MYRIP: variants seen among roughly 807,000 people sequenced by gnomAD.
MYRIP encodes the protein rab effector MyRIP.
A neutral mutation model predicts 98.0 loss-of-function variants in MYRIP; 49 were observed. That is an observed-to-expected ratio of 0.50 (90% CI 0.40 to 0.63). The LOEUF (loss-of-function observed/expected upper bound fraction) is 0.63, where lower values mean the gene tolerates loss of function less well. Ranked by LOEUF, MYRIP falls within the 30% of genes least tolerant of loss-of-function variation. The pLI is 0.00. For synonymous variants in MYRIP, 404 were observed against 409.5 expected, an observed-to-expected ratio of 0.99 and a Z score of 0.16; for missense variants, 1,004 against 1,058.2, an observed-to-expected ratio of 0.95 and a Z score of 0.71.
intron 2 of MYRIP, among the ~76,000 whole-genome samples, chr3:40,028,420 A>C (rs934018774): frequency 6.6e-6 from 1 of 152,198 alleles, no homozygotes; most frequent in Non-Finnish European, 1.5e-5. Flanking sequence ...CCCAGACGCT[A>C]TTGCAGAAAC....
chr3:40,218,014 T>G (rs1438534738), intron 11 of MYRIP, among the ~76,000 whole-genome samples: 7 of 152,030 alleles, frequency 4.6e-5, no homozygotes, highest in Non-Finnish European at 8.8e-5. Flanking sequence ...AAGCAAAAAT[T>G]TCATATATAC....
At chr3:39,818,209 A>G in intron 1 of MYRIP, among the ~76,000 whole-genome samples, 1 of 152,152 alleles carries the variant, frequency 6.6e-6, no homozygotes, top group East Asian at 1.9e-4. Flanking sequence ...GTTTACTTTA[A>G]GCTTTTGATA....
intron 4 of MYRIP, among the ~76,000 whole-genome samples, chr3:40,153,736 T>C (rs955902381): frequency 4.6e-5 from 7 of 152,242 alleles, no homozygotes; most frequent in African/African-American, 1.7e-4. Flanking sequence ...GAACATGATA[T>C]GCAAAATCTG....
At chr3:40,202,325 T>C (rs1199079127) in intron 10 of MYRIP, among the ~76,000 whole-genome samples, 1 of 152,132 alleles carries the variant, frequency 6.6e-6, no homozygotes, top group Non-Finnish European at 1.5e-5. Context: ...AAAGATAGCC[T>C]CTATGAAAAA....
chr3:39,983,878 T>C (rs1226699805), intron 2 of MYRIP, among the ~76,000 whole-genome samples: 1 of 152,208 alleles, frequency 6.6e-6, no homozygotes, highest in Non-Finnish European at 1.5e-5. Context: ...CAGGAAATAA[T>C]ACCCCCTGTT....
chr3:39,953,904 G>A (rs767886855), intron 2 of MYRIP, among the ~76,000 whole-genome samples: 35 of 152,242 alleles, frequency 2.3e-4, no homozygotes, highest in Non-Finnish European at 4.6e-4. Context: ...ATGGAGTCTC[G>A]CTTACTGCTA....
At position 40,220,498 on chromosome 3, in the gene MYRIP, A is replaced by T. The variant is rs143602529; in HGVS notation, c.1905+10405A>T. The stretch of plus-strand genomic sequence containing the variant: ...AACATGTAAGTCTTTAATCCATATG[A>T]CTGCATAAATATTAAGAACTTATGT... On this transcript the variant is annotated intron_variant, in intron 11 of 16. Transcript: ENST00000302541. 5.4e-3 allele frequency among the ~76,000 whole-genome samples: 828 copies of T among 152,228 alleles called. 1 individual carries two copies. Among genetic ancestry groups the T allele is most frequent in the African/African-American group, 0.018 (752 of 41,538 alleles).
chr3:40,044,179 G>C lies in MYRIP; in HGVS notation c.240G>C (p.Gln80His), dbSNP rs779965268. 2 of 1,614,090 alleles carry C rather than the reference G, an allele frequency of 1.2e-6. No individual in the cohort carries two copies. Among genetic ancestry groups the C allele is most frequent in the African/African-American group, 2.7e-5 (2 of 74,950 alleles). Reference sequence around the variant, plus strand: ...CCTTCCTCGTCAACACCAAGCGCCAGTGTGGAGATTGCAAATTCAATGTCT... The same window carrying C: ...CCTTCCTCGTCAACACCAAGCGCCACTGTGGAGATTGCAAATTCAATGTCT... ...PFTFLVNTKR[Q>H]CGDCKFNVCK... is the part of the protein sequence containing the mutation. Residue 80 changes from glutamine to histidine, a missense_variant, in exon 3 of 17, where the codon CAG (glutamine) becomes CAC (histidine). By Grantham distance (24) the Gln-to-His change is conservative. Around this residue, in one of 3 missense-constraint regions of MYRIP, gnomAD observed 880 missense variants for 907.7 expected, o/e 0.97. Transcript: ENST00000302541.
chr3:39,905,745 C>T (rs891247349), intron 2 of MYRIP, among the ~76,000 whole-genome samples: 8 of 152,124 alleles, frequency 5.3e-5, no homozygotes, highest in African/African-American at 9.7e-5. Context: ...TATATAGTTA[C>T]GATTGAAAAT....
intron 3 of MYRIP, among the ~76,000 whole-genome samples, chr3:40,085,181 G>T (rs1459638109): frequency 2.0e-5 from 3 of 146,892 alleles, no homozygotes; most frequent in African/African-American, 7.5e-5. Flanking sequence ...GATAATATGT[G>T]TCTATGTGTT....
chr3:40,062,271 T>A (rs1948034632), intron 3 of MYRIP, among the ~76,000 whole-genome samples: 1 of 152,168 alleles, frequency 6.6e-6, no homozygotes, highest in African/African-American at 2.4e-5. Context: ...CTGATTTTCA[T>A]ATATAGCGCA....
chr3:40,086,953 G>A (rs1346042005), intron 3 of MYRIP, among the ~76,000 whole-genome samples: 1 of 152,078 alleles, frequency 6.6e-6, no homozygotes, highest in Non-Finnish European at 1.5e-5. Flanking sequence ...AGGGAAGCCA[G>A]CGCCATGCCC....
intron 2 of MYRIP, among the ~76,000 whole-genome samples, chr3:39,965,777 C>A (rs1456405451): frequency 6.6e-6 from 1 of 152,116 alleles, no homozygotes; most frequent in East Asian, 1.9e-4. Flanking sequence ...AATACCTTCA[C>A]AGCTACACCT....
At chr3:39,945,782 T>G (rs997587734) in intron 2 of MYRIP, among the ~76,000 whole-genome samples, 7 of 152,154 alleles carry the variant, frequency 4.6e-5, no homozygotes, top group African/African-American at 1.7e-4. Flanking sequence ...TTAAAAATGT[T>G]AAATACTTGT....
At chr3:39,858,957 C>A (rs542269460) in intron 1 of MYRIP, among the ~76,000 whole-genome samples, 1 of 151,786 alleles carries the variant, frequency 6.6e-6, no homozygotes, top group Non-Finnish European at 1.5e-5. Flanking sequence ...AAATAAACAG[C>A]CTTACTTTAC....
intron 9 of MYRIP, 50 bp downstream of exon 9, chr3:40,182,423 GT>G: frequency 6.4e-7 from 1 of 1,570,162 alleles, no homozygotes; most frequent in Non-Finnish European, 8.7e-7. Flanking sequence ...CAAAAGTGTG[GT>G]TTGGAGACAT....
At chr3:40,114,012 G>C (rs1434980400) in intron 3 of MYRIP, among the ~76,000 whole-genome samples, 1 of 152,118 alleles carries the variant, frequency 6.6e-6, no homozygotes, top group Non-Finnish European at 1.5e-5. Context: ...TATAATCTTA[G>C]CGTGGAGGCA....
intron 3 of MYRIP, among the ~76,000 whole-genome samples, chr3:40,087,041 C>G (rs1948643225): frequency 6.6e-6 from 1 of 152,038 alleles, no homozygotes; most frequent in South Asian, 2.1e-4. Context: ...TCCTCTCATG[C>G]CACTGCTACG....
intron 11 of MYRIP, among the ~76,000 whole-genome samples, chr3:40,230,833 T>TG (rs901366479): frequency 6.6e-5 from 10 of 151,948 alleles, no homozygotes; most frequent in Middle Eastern, 3.2e-3. Context: ...TTTTTTTTTT[T>TG]TTGTTTTTTT....
Sources: allele counts gnomAD v4.1 joint callset (sites outside exome capture counted in the v4.1 genomes callset), GRCh38; gene constraint gnomAD v4.1.1; regional missense constraint gnomAD v4.1.1; transcripts MANE v1.5; gene names NCBI Gene and HGNC (gene_info 2026-07-23, HGNC 2026-07-21).